GRIA3: variants seen among roughly 807,000 people sequenced by gnomAD.
GRIA3 encodes glutamate ionotropic receptor AMPA type subunit 3.
In GRIA3, 3 loss-of-function variants were observed where a neutral mutation model predicts 63.0. The observed-to-expected ratio is 0.05, with a 90% CI of 0.02 to 0.12. GRIA3 has a LOEUF of 0.12. Ranked by LOEUF, GRIA3 falls within the 10% of genes least tolerant of loss-of-function variation. GRIA3 has a pLI of 1.00. For missense variants in GRIA3, 347 were observed against 700.9 expected, an observed-to-expected ratio of 0.50 and a Z score of 5.70; for synonymous variants, 274 against 257.9, an observed-to-expected ratio of 1.06 and a Z score of -0.60.
chrX:123,251,629 T>G (rs1490668488), intron 2 of GRIA3, among the ~76,000 whole-genome samples: 2 of 111,082 alleles, frequency 1.8e-5, no homozygotes, highest in Non-Finnish European at 3.8e-5. Context: ...AGAGACGGGG[T>G]TTCACCGTGT....
At chrX:123,466,713 C>T (rs1434297083) in intron 13 of GRIA3, among the ~76,000 whole-genome samples, 1 of 112,377 alleles carries the variant, frequency 8.9e-6, no homozygotes, top group African/African-American at 3.2e-5. Context: ...TCCTCCTTGG[C>T]CCAAGGGGCA....
intron 12 of GRIA3, among the ~76,000 whole-genome samples, chrX:123,430,605 C>G (rs2045612317): frequency 9.0e-6 from 1 of 111,470 alleles, no homozygotes; most frequent in Admixed American, 9.6e-5. Flanking sequence ...AAGAGCACAT[C>G]ATCCTTTATT....
chrX:123,467,009 A>C (rs1240819738), intron 13 of GRIA3, among the ~76,000 whole-genome samples: 1 of 112,891 alleles, frequency 8.9e-6, no homozygotes, highest in Non-Finnish European at 1.9e-5. Flanking sequence ...TTTCTTCAGC[A>C]AATAATCTTA....
chrX:123,445,254 G>A (rs774458711), intron 12 of GRIA3, among the ~76,000 whole-genome samples: 13 of 111,374 alleles, frequency 1.2e-4, no homozygotes, highest in African/African-American at 3.6e-4. Flanking sequence ...CCAAACATAA[G>A]GATCCTGGCT....
chrX:123,485,787 T>C lies in GRIA3; in HGVS notation c.*2+2741T>C, dbSNP rs1244083696. Among the ~76,000 whole-genome samples, 3 of 111,451 alleles carry C rather than the reference T, an allele frequency of 2.7e-5. No individual in the cohort carries two copies. In the South Asian group the frequency reaches 1.1e-3, roughly 42 times the overall value. The stretch of plus-strand genomic sequence containing the variant: ...TTATGTCCCTACTATCCAATTACTA[T>C]AGCCTCAGACTCTTATTAAAGCCCC... On this transcript the variant is annotated intron_variant, in intron 15 of 15. Coordinates refer to ENST00000620443, the MANE Select transcript of GRIA3 (RefSeq NM_007325.5).
chrX:123,310,256 A>G (rs775508995), intron 3 of GRIA3, among the ~76,000 whole-genome samples: 1 of 113,242 alleles, frequency 8.8e-6, no homozygotes, highest in South Asian at 3.6e-4. Context: ...TAAACTCTCC[A>G]GCCCCAGATT....
intron 5 of GRIA3, chrX:123,361,295 GT>G (rs1269228457): frequency 9.0e-6 from 1 of 111,412 alleles, no homozygotes; most frequent in Non-Finnish European, 1.9e-5. Flanking sequence ...CATTTTTTAT[GT>G]TCTAAATAAA....
intron 2 of GRIA3, among the ~76,000 whole-genome samples, chrX:123,218,391 T>C (rs981438387): frequency 8.9e-6 from 1 of 112,366 alleles, no homozygotes; most frequent in Non-Finnish European, 1.9e-5. Context: ...AAACATCTAG[T>C]CGAGTTTTGA....
At chrX:123,247,515 GA>G (rs1371840699) in intron 2 of GRIA3, among the ~76,000 whole-genome samples, 3 of 110,877 alleles carry the variant, frequency 2.7e-5, no homozygotes, top group Non-Finnish European at 5.7e-5. Context: ...TCTTCAATGA[GA>G]AAAAAAATTG....
intron 3 of GRIA3, among the ~76,000 whole-genome samples, chrX:123,289,776 C>T (rs373654773): frequency 8.1e-5 from 9 of 110,449 alleles, no homozygotes; most frequent in African/African-American, 1.3e-4. Flanking sequence ...CTCCACCCCC[C>T]CAACCAAGAC....
intron 3 of GRIA3, among the ~76,000 whole-genome samples, chrX:123,272,096 G>A (rs963545409): frequency 9.0e-6 from 1 of 111,423 alleles, no homozygotes; most frequent in Admixed American, 9.6e-5. Context: ...AGAACTCAGG[G>A]ATAGGGATAC....
At chrX:123,476,022 G>A (rs2045885196) in intron 13 of GRIA3, among the ~76,000 whole-genome samples, 1 of 111,202 alleles carries the variant, frequency 9.0e-6, no homozygotes, top group Non-Finnish European at 1.9e-5. Flanking sequence ...CCTTCTTAGG[G>A]TGATCATTAA....
At chrX:123,259,396 C>CCT (rs757203891) in intron 3 of GRIA3, among the ~76,000 whole-genome samples, 11 of 109,234 alleles carry the variant, frequency 1.0e-4, no homozygotes, top group African/African-American at 3.7e-4. Context: ...GCACAAAATA[C>CCT]CTCTCTCTCT....
intron 3 of GRIA3, among the ~76,000 whole-genome samples, chrX:123,276,241 T>C (rs1416876303): frequency 8.9e-6 from 1 of 112,274 alleles, no homozygotes; most frequent in African/African-American, 3.2e-5. Context: ...TTTCAAGCTT[T>C]CTTTTTTGAA....
chrX:123,410,763 T>C (rs2043675065), intron 10 of GRIA3, among the ~76,000 whole-genome samples: 1 of 111,584 alleles, frequency 9.0e-6, no homozygotes, highest in African/African-American at 3.3e-5. Context: ...GGAAGGAGCA[T>C]TAAGGACACA....
chrX:123,253,999 C>T (rs192237867), intron 3 of GRIA3, among the ~76,000 whole-genome samples: 1 of 112,069 alleles, frequency 8.9e-6, no homozygotes, highest in Admixed American at 9.4e-5. Context: ...TAAAATGGGA[C>T]TGGTAGCAAT....
At chrX:123,322,852 G>A (rs1264857561) in intron 3 of GRIA3, among the ~76,000 whole-genome samples, 1 of 112,097 alleles carries the variant, frequency 8.9e-6, no homozygotes, top group African/African-American at 3.2e-5. Context: ...GGAAGCTTCA[G>A]ACATGCCCTC....
intron 3 of GRIA3, among the ~76,000 whole-genome samples, chrX:123,293,763 G>A (rs5958212): frequency 0.22 from 24,149 of 109,423 alleles, 2,359 homozygotes; most frequent in African/African-American, 0.36. Flanking sequence ...AGTTATATAA[G>A]GCTTACTATG....
chrX:123,258,112 T>C (rs892330078), intron 3 of GRIA3, among the ~76,000 whole-genome samples: 4 of 112,549 alleles, frequency 3.6e-5, no homozygotes, highest in Non-Finnish European at 7.5e-5. Context: ...TTCCTTACTA[T>C]GGCATTATGT....
Sources: gnomAD v4.1 joint callset for allele counts (sites outside exome capture counted in the v4.1 genomes callset) on GRCh38, gnomAD v4.1.1 for gene constraint, MANE v1.5 for transcripts, NCBI Gene and HGNC (gene_info 2026-07-23, HGNC 2026-07-21) for gene names.